The following COL1A1 variants were observed in gnomAD, a reference collection of about 807,000 sequenced individuals.
COL1A1 encodes collagen alpha-1(I) chain.
In COL1A1, 21 loss-of-function variants were observed where a neutral mutation model predicts 195.7. The observed-to-expected ratio is 0.11, with a 90% CI of 0.08 to 0.15. COL1A1 has a LOEUF of 0.15. Ranked by LOEUF, COL1A1 falls within the 10% of genes least tolerant of loss-of-function variation. The pLI is 1.00. For missense variants in COL1A1, 1,365 were observed against 2,051.0 expected (o/e 0.67, Z 6.46); for synonymous variants, 749 against 747.3 (o/e 1.00, Z -0.04).
Position 50,199,698 on chromosome 17 carries a change from AGCCCCAG to A in COL1A1, c.298+48_298+54del, listed in dbSNP as rs150854949. The A allele has an allele frequency of 0.36, 565,957 of 1,587,346 alleles. 107,501 individuals are homozygous for A. Among genetic ancestry groups the A allele is most frequent in the African/African-American group, 0.71 (52,327 of 73,446 alleles). On this transcript the variant is annotated intron_variant, in intron 2 of 50. Transcript: ENST00000225964. Reference sequence around the variant, plus strand: ...GCGAGCGCCGACCACCCCCAGCCCCAGCCCCAGGCCCCAGGCCCCAGGCCCCAGGCCC... The same window carrying A: ...GCGAGCGCCGACCACCCCCAGCCCCAGCCCCAGGCCCCAGGCCCCAGGCCC...
rs371449594 is a variant in COL1A1, at chr17:50,194,210, G to A, written c.1615-27C>T. ...TAGGGAGGCAGAGAGGTATGAGTGG[G>A]ACTTGGGGAGAAGCATGATGGAGGT... is the stretch of plus-strand genomic sequence containing the variant. On this transcript the variant is annotated intron_variant, in intron 23 of 50. Transcript: ENST00000225964. The surrounding 1 kb of genome is among the most constrained non-coding windows in gnomAD (Gnocchi z 6.8). The A allele has an allele frequency of 1.2e-6, 2 of 1,611,838 alleles. No individual in the cohort carries two copies. The highest frequency in any genetic ancestry group is 2.7e-5 in the African/African-American group (2 of 74,798).
rs770426648 is a variant in COL1A1 at position 50,196,496 on chromosome 17, A to G, written c.891T>C (p.Ala297=). 7 of 1,614,174 alleles carry G rather than the reference A, an allele frequency of 4.3e-6. No individual in the cohort carries two copies. In the South Asian group the frequency reaches 7.7e-5, roughly 18 times the overall value. Residue 297 remains alanine, a synonymous_variant, in exon 13 of 51, where the codon GCT becomes GCC. Transcript: ENST00000225964. Reference sequence around the variant, plus strand: ...TGGGCACACTCACCATCTGACCAGGAGCTCCATTTTCACCAGGGCTGCCAG... The same window carrying G: ...TGGGCACACTCACCATCTGACCAGGGGCTCCATTTTCACCAGGGCTGCCAG... ...GEPGSPGENG[A]PGQMGPRGLP... is the part of the protein sequence containing the mutation.
At chr17:50,197,873 C>T in intron 8 of COL1A1, 76 bp downstream of exon 8, 1 of 1,590,226 alleles carries the variant, frequency 6.3e-7, no homozygotes, top group Non-Finnish European at 8.6e-7. Flanking sequence ...AAGGAAGACC[C>T]CAGGCCTGGG....
Position 50,194,134 on chromosome 17 carries a change from G to C in COL1A1, c.1664C>G (p.Pro555Arg), listed in dbSNP as rs72648359. Reference sequence around the variant, plus strand: ...TTCAGGGGGAGTGATACTTACAGGGGGGCCAGTTTTGCCATCAGGACCAGG... The same window carrying C: ...TTCAGGGGGAGTGATACTTACAGGGCGGCCAGTTTTGCCATCAGGACCAGG... ...GSPGPDGKTGPPGPAGQDGRP... is the reference protein window; with the variant it reads ...GSPGPDGKTGRPGPAGQDGRP... Residue 555 changes from proline to arginine, a missense_variant, in exon 24 of 51, where the codon CCC becomes CGC. Transcript: ENST00000225964. The surrounding 1 kb of genome is among the most constrained non-coding windows in gnomAD (Gnocchi z 6.8). 3.1e-6 allele frequency: 5 copies of C among 1,613,708 alleles called. No individual in the cohort carries two copies. Among genetic ancestry groups the C allele is most frequent in the Non-Finnish European group, 3.4e-6 (4 of 1,179,904 alleles).
chr17:50,200,108 C>A (rs1002863800), intron 1 of COL1A1, 161 bp from the exon 2 acceptor site: 56 of 795,562 alleles, frequency 7.0e-5, no homozygotes, highest in Non-Finnish European at 1.2e-4. Flanking sequence ...TCCTCATCAG[C>A]GCGGGTGACA....
At chr17:50,198,607 T>G (rs1236800658) in intron 5 of COL1A1, 103 bp from the exon 6 acceptor site, 1 of 898,542 alleles carries the variant, frequency 1.1e-6, no homozygotes, top group African/African-American at 1.7e-5. Context: ...TGGTGTGATG[T>G]GCTGAGAAGA....
Position 50,187,369 on chromosome 17 carries a change from C to T in COL1A1, c.3423+115G>A, listed in dbSNP as rs913562949. ...AGGATTCTTCCTCTCTTTGCCCACT[C>T]CCTGTCCCTGAACCCTTCTCCAGAG... On this transcript the variant is annotated intron_variant, in intron 46 of 50. Transcript: ENST00000225964. The T allele has an allele frequency of 3.7e-6, 4 of 1,075,616 alleles. No individual in the cohort carries two copies. The African/African-American group carries it at 4.7e-5, about 13-fold the overall frequency. The allele number at this position is 1,075,616 out of a possible 1,614,324, so 66.6% of individuals were successfully genotyped here.
chr17:50,192,742 G>A (rs944095989), intron 27 of COL1A1, 49 bp from the exon 28 acceptor site: 1 of 1,613,874 alleles, frequency 6.2e-7, no homozygotes, highest in Non-Finnish European at 8.5e-7. Context: ...GAGACGAGGG[G>A]CTGAGGGTGT....
Position 50,189,559 on chromosome 17 carries a change from C to G in COL1A1, c.2668-21G>C, listed in dbSNP as rs1307530095. 6.2e-7 allele frequency: 1 copy of G among 1,613,376 alleles called. No homozygotes were observed. The highest frequency in any genetic ancestry group is 1.3e-5 in the African/African-American group (1 of 74,730). On this transcript the variant is annotated intron_variant, in intron 38 of 50. Transcript: ENST00000225964. This position sits in a 1 kb window ranked among gnomAD's most constrained non-coding sequence, Gnocchi z 5.5. The stretch of plus-strand genomic sequence containing the variant: ...TTTCCCTGGATGAGGATAGGAGGGG[C>G]TGTCAGACTCCAGGGGGCTCTGGTG...
chr17:50,194,381 G>A lies in COL1A1; in HGVS notation c.1582C>T (p.Arg528Cys). Residue 528 changes from arginine to cysteine, a missense_variant, in exon 23 of 51, where the codon CGT becomes TGT. Physicochemically the swap from Arg to Cys is radical, Grantham distance 180. Around this residue, in one of 5 missense-constraint regions of COL1A1, gnomAD observed 671 missense variants for 1,099.9 expected, o/e 0.61. Transcript: ENST00000225964. The surrounding 1 kb of genome is among the most constrained non-coding windows in gnomAD (Gnocchi z 6.8). The part of the protein sequence containing the change: ...GPKGSPGEAG[R>C]PGEAGLPGAK... ...CCAGGCAGACCAGCTTCACCGGGAC[G>A]ACCAGCTTCACCAGGAGATCCTTTG... 2 of 1,614,054 alleles carry A rather than the reference G, an allele frequency of 1.2e-6. No individual in the cohort carries two copies. The highest frequency in any genetic ancestry group is 1.7e-6 in the Non-Finnish European group (2 of 1,180,004).
At chr17:50,187,263 C>CCAT (rs1906637836) in intron 46 of COL1A1, 141 bp from the exon 47 acceptor site, 1 of 843,322 alleles carries the variant, frequency 1.2e-6, no homozygotes, top group Admixed American at 2.2e-5. Context: ...ATAGGACATG[C>CCAT]CATAGCTCCT....
In COL1A1 at chr17:50,191,940, C is replaced by A. The variant is rs777869109; in HGVS notation, c.2028+40G>T. The A allele has an allele frequency of 4.3e-6, 7 of 1,610,064 alleles. No homozygotes were observed. The African/African-American group carries it at 8.0e-5, about 18-fold the overall frequency. ...GCTGCTCTGGAGATAGGGCCAAGTA[C>A]GACGCACCTTGACGGATGCAGCGAG... On this transcript the variant is annotated intron_variant, in intron 30 of 50. Coordinates refer to ENST00000225964, the MANE Select transcript of COL1A1 (RefSeq NM_000088.4).
Position 50,197,961 on chromosome 17 carries a change from C to T in COL1A1, c.630G>A (p.Glu210=), listed in dbSNP as rs758336790. Residue 210 remains glutamate, a synonymous_variant, in exon 8 of 51, where the codon GAG becomes GAA. Coordinates refer to ENST00000225964, the MANE Select transcript of COL1A1 (RefSeq NM_000088.4). The part of the protein sequence containing the change: ...GFQGPPGEPG[E]PGASGPMGPR... ...AGAGAGTGCTTACTGAAGCTCCAGGCTCGCCAGGCTCACCAGGGGGACCTT... is the reference window on the plus strand; with the variant it reads ...AGAGAGTGCTTACTGAAGCTCCAGGTTCGCCAGGCTCACCAGGGGGACCTT... 1.2e-6 allele frequency: 2 copies of T among 1,613,970 alleles called. No homozygotes were observed. The highest frequency in any genetic ancestry group is 1.7e-6 in the Non-Finnish European group (2 of 1,179,950).
At position 50,185,361 on chromosome 17, in the gene COL1A1, A is replaced by G; in HGVS notation, c.*141T>C. On this transcript the variant is annotated 3_prime_UTR_variant, in exon 51 of 51. Coordinates refer to ENST00000225964, the MANE Select transcript of COL1A1 (RefSeq NM_000088.4). ...AAGTTTGAGAGATGAATGCAAAGGA[A>G]AAAAATATTTTCCAAAGTCCATGTG... The G allele has an allele frequency of 9.9e-7, 1 of 1,006,018 alleles. No homozygotes were observed. Among genetic ancestry groups the G allele is most frequent in the Non-Finnish European group, 1.5e-6 (1 of 672,156 alleles). 62.3% of individuals were successfully genotyped at this position (1,006,018 alleles called of 1,614,324 possible).
rs1414618056 is a variant in COL1A1 at position 50,195,177 on chromosome 17, G to GA, written c.1299+54dup. ...CTGCGTCTTCCTGCTCCCCAGATGA[G>GA]AGCCGCACTGGAGCCAGTGCATGGG... is the stretch of plus-strand genomic sequence containing the variant. On this transcript the variant is annotated intron_variant, in intron 19 of 50. Transcript: ENST00000225964. This position sits in a 1 kb window ranked among gnomAD's most constrained non-coding sequence, Gnocchi z 4.3. 4 of 1,604,840 alleles carry GA rather than the reference G, an allele frequency of 2.5e-6. No homozygotes were observed. The highest frequency in any genetic ancestry group is 3.4e-6 in the Non-Finnish European group (4 of 1,172,068).
chr17:50,188,194 G>A lies in COL1A1; in HGVS notation c.3208-45C>T, dbSNP rs1906729832. 1 of 1,510,924 alleles carries A rather than the reference G, an allele frequency of 6.6e-7. No homozygotes were observed. Among genetic ancestry groups the A allele is most frequent in the Middle Eastern group, 1.9e-4 (1 of 5,226 alleles). 93.6% of individuals were successfully genotyped at this position (1,510,924 alleles called of 1,614,324 possible). On this transcript the variant is annotated intron_variant, in intron 43 of 50. Transcript: ENST00000225964. This position sits in a 1 kb window ranked among gnomAD's most constrained non-coding sequence, Gnocchi z 5.6. ...CATGAGCTCTTGGCCAGGGAAGGCT[G>A]AGGCTGGGGCTGCAGGATGAGGCCT...
chr17:50,190,329 G>C lies in COL1A1; in HGVS notation c.2449C>G (p.Pro817Ala), dbSNP rs769167761. The C allele has an allele frequency of 5.7e-6, 9 of 1,591,118 alleles. No individual in the cohort carries two copies. In the African/African-American group the frequency reaches 1.1e-4, roughly 19 times the overall value. ...ATGATGGGGGTCTTGGTACTCACAG[G>C]GGGGCCAGCAAAGCCAGCAGGGCCG... ...PPGPAGFAGP[P>A]GADGQPGAKG... Residue 817 changes from proline (P) to alanine (A), a missense_variant and splice_region_variant, in exon 35 of 51, where the codon CCT becomes GCT. By Grantham distance (27) the Pro-to-Ala change is conservative. Transcript: ENST00000225964. This position sits in a 1 kb window ranked among gnomAD's most constrained non-coding sequence, Gnocchi z 4.7.
In COL1A1 at chr17:50,195,197, C is replaced by A; in HGVS notation, c.1299+35G>T. On this transcript the variant is annotated intron_variant, in intron 19 of 50. Transcript: ENST00000225964. This position sits in a 1 kb window ranked among gnomAD's most constrained non-coding sequence, Gnocchi z 4.3. The stretch of plus-strand genomic sequence containing the variant: ...GATGAGAGCCGCACTGGAGCCAGTG[C>A]ATGGGGTGGGCAGAAGGGAGAGTTT... 6.2e-7 allele frequency: 1 copy of A among 1,608,820 alleles called. No individual in the cohort carries two copies. Among genetic ancestry groups the A allele is most frequent in the Non-Finnish European group, 8.5e-7 (1 of 1,175,674 alleles).
chr17:50,188,381 A>T lies in COL1A1; in HGVS notation c.3207+149T>A. ...GGGACTTGGGGCTGAGCTTTAACTC[A>T]GTTTTTTGGATTAAGGCCCTGACAT... On this transcript the variant is annotated intron_variant, in intron 43 of 50. Transcript: ENST00000225964. The surrounding 1 kb of genome is among the most constrained non-coding windows in gnomAD (Gnocchi z 5.6). 1.1e-6 allele frequency: 1 copy of T among 916,788 alleles called. No homozygotes were observed. The allele number at this position is 916,788 out of a possible 1,614,324, so 56.8% of individuals were successfully genotyped here.
Sources: allele counts gnomAD v4.1 joint callset, GRCh38; gene constraint gnomAD v4.1.1; regional missense constraint gnomAD v4.1.1; non-coding constraint Gnocchi (gnomAD v3.1); transcripts MANE v1.5; gene names NCBI Gene and HGNC (gene_info 2026-07-23, HGNC 2026-07-21).